THSD7B: variants seen among roughly 807,000 people sequenced by gnomAD.
THSD7B encodes the protein thrombospondin type 1 domain containing 7B, also known as thrombospondin type-1 domain-containing protein 7B.
Under a neutral mutation model 213.6 loss-of-function variants are expected in THSD7B, and 138 were observed. The ratio of observed to expected loss-of-function variants is 0.65; its 90% CI spans 0.56 to 0.74. THSD7B has a LOEUF of 0.74. THSD7B is among the 30% of genes least tolerant of loss of function. The pLI, the probability that THSD7B is intolerant of heterozygous loss-of-function variation, is 0.00. For synonymous variants in THSD7B, 742 were observed against 687.0 expected (o/e 1.08, Z -1.25); for missense variants, 1,931 against 1,991.5 (o/e 0.97, Z 0.58).
At chr2:137,595,803 C>A (rs992085928) in intron 17 of THSD7B, among the ~76,000 whole-genome samples, 1 of 151,586 alleles carries the variant, frequency 6.6e-6, no homozygotes, top group Non-Finnish European at 1.5e-5. Context: ...ATTAATCACA[C>A]AAAACTTTAA....
rs1388397059 is a variant in THSD7B, at chr2:137,488,010, G to A, written c.3138+36987G>A. ...GATCTCCTGACCTCGTGATCCGCCCGCCTCGGCCTCCCAAAGTGCTGGGAT... is the reference window on the plus strand; with the variant it reads ...GATCTCCTGACCTCGTGATCCGCCCACCTCGGCCTCCCAAAGTGCTGGGAT... On this transcript the variant is annotated intron_variant, in intron 15 of 27. Transcript: ENST00000409968. Among the ~76,000 whole-genome samples the A allele has an allele frequency of 1.6e-4, 2 of 12,534 alleles. 1 individual carries two copies. Among genetic ancestry groups the A allele is most frequent in the Non-Finnish European group, 7.0e-4 (2 of 2,850 alleles). 8.2% of individuals were successfully genotyped at this position (12,534 alleles called of 152,430 possible). A position where few individuals can be genotyped will look rare whatever the true frequency, so the allele number is the denominator to read the frequency against.
At chr2:137,455,344 A>T (rs994496422) in intron 15 of THSD7B, among the ~76,000 whole-genome samples, 2 of 152,212 alleles carry the variant, frequency 1.3e-5, no homozygotes, top group Non-Finnish European at 2.9e-5. Flanking sequence ...TAGAGGAAAG[A>T]GATCAGAATC....
chr2:136,952,453 T>TG (rs71400557), intron 2 of THSD7B, among the ~76,000 whole-genome samples: 1 of 144,254 alleles, frequency 6.9e-6, no homozygotes, highest in Admixed American at 7.2e-5. Flanking sequence ...TTTTTTTTTT[T>TG]GTGGGTGTAA....
intron 15 of THSD7B, among the ~76,000 whole-genome samples, chr2:137,494,452 A>C (rs1043337935): frequency 2.6e-5 from 4 of 152,072 alleles, no homozygotes; most frequent in African/African-American, 9.7e-5. Flanking sequence ...AGAAATAAAG[A>C]TGATAGTTAG....
intron 12 of THSD7B, among the ~76,000 whole-genome samples, chr2:137,370,157 T>A (rs1426566043): frequency 6.6e-6 from 1 of 152,168 alleles, no homozygotes; most frequent in African/African-American, 2.4e-5. Context: ...ATCCTGTATG[T>A]CATGTATTTG....
chr2:136,845,863 T>G (rs1004701742), intron 1 of THSD7B, among the ~76,000 whole-genome samples: 1 of 152,222 alleles, frequency 6.6e-6, no homozygotes, highest in African/African-American at 2.4e-5. Context: ...AAACTGAAAT[T>G]AGAAGTTTCC....
intron 12 of THSD7B, among the ~76,000 whole-genome samples, chr2:137,300,902 C>T (rs181208185): frequency 7.9e-5 from 12 of 152,086 alleles, no homozygotes; most frequent in African/African-American, 2.6e-4. Context: ...ACAGAGACAT[C>T]GGGGTCATGT....
intron 2 of THSD7B, among the ~76,000 whole-genome samples, chr2:137,006,973 C>T (rs1331939000): frequency 6.6e-6 from 1 of 152,128 alleles, no homozygotes; most frequent in Non-Finnish European, 1.5e-5. Flanking sequence ...TAAAAGTGTG[C>T]ATTTTACTGA....
At chr2:137,250,038 G>A (rs1682136715) in intron 10 of THSD7B, among the ~76,000 whole-genome samples, 1 of 152,156 alleles carries the variant, frequency 6.6e-6, no homozygotes, top group South Asian at 2.1e-4. Flanking sequence ...CAAAGACCAA[G>A]TTAAAAAACC....
chr2:137,216,811 A>T (rs929301147), intron 7 of THSD7B, among the ~76,000 whole-genome samples: 3 of 152,170 alleles, frequency 2.0e-5, no homozygotes, highest in African/African-American at 4.8e-5. Context: ...AAGCACAGTG[A>T]TACATCATAG....
intron 2 of THSD7B, among the ~76,000 whole-genome samples, chr2:136,926,868 C>T (rs1271934614): frequency 6.6e-6 from 1 of 151,658 alleles, no homozygotes; most frequent in Non-Finnish European, 1.5e-5. Flanking sequence ...AGTCCCTTTC[C>T]CTCAAGTGTT....
At chr2:137,668,847 G>A (rs1486229319) in intron 27 of THSD7B, among the ~76,000 whole-genome samples, 1 of 152,112 alleles carries the variant, frequency 6.6e-6, no homozygotes, top group Non-Finnish European at 1.5e-5. Context: ...AGTAGTTATG[G>A]ATTATCATGA....
intron 2 of THSD7B, among the ~76,000 whole-genome samples, chr2:137,038,487 G>T (rs1230598075): frequency 1.3e-5 from 2 of 152,150 alleles, no homozygotes; most frequent in Admixed American, 1.3e-4. Flanking sequence ...AGGCATCATT[G>T]CTGGGACCTT....
At chr2:137,441,348 C>A (rs1687405877) in intron 14 of THSD7B, among the ~76,000 whole-genome samples, 1 of 152,006 alleles carries the variant, frequency 6.6e-6, no homozygotes, top group Non-Finnish European at 1.5e-5. Flanking sequence ...AGCACCCTAG[C>A]CAAATTTATA....
At chr2:137,454,328 G>A (rs1227386070) in intron 15 of THSD7B, among the ~76,000 whole-genome samples, 1 of 152,016 alleles carries the variant, frequency 6.6e-6, no homozygotes, top group Non-Finnish European at 1.5e-5. Flanking sequence ...GTTTTTGAAT[G>A]GCAAGGGCAA....
intron 17 of THSD7B, among the ~76,000 whole-genome samples, chr2:137,603,677 C>A (rs561336511): frequency 6.6e-6 from 1 of 152,206 alleles, no homozygotes; most frequent in African/African-American, 2.4e-5. Context: ...TTGCTTATTA[C>A]GCTATGTGAC....
At chr2:137,409,763 G>C (rs1430633286) in intron 13 of THSD7B, among the ~76,000 whole-genome samples, 1 of 152,106 alleles carries the variant, frequency 6.6e-6, no homozygotes, top group East Asian at 1.9e-4. Context: ...CATGGGGTGA[G>C]GGTGAGGAAC....
At position 137,311,758 on chromosome 2, in the gene THSD7B, G is replaced by A. The variant is rs569685517; in HGVS notation, c.2500+35732G>A. 3.4e-3 allele frequency among the ~76,000 whole-genome samples: 508 copies of A among 151,386 alleles called. 3 individuals are homozygous for A. Among genetic ancestry groups the A allele is most frequent in the African/African-American group, 0.012 (483 of 41,202 alleles). ...CAAAGGCCTTTTCTGCATCCATTGA[G>A]ATAATCATGTGGTTTTTGTCTTTGG... On this transcript the variant is annotated intron_variant, in intron 12 of 27. Transcript: ENST00000409968.
At chr2:137,533,123 G>A (rs1014445341) in intron 15 of THSD7B, among the ~76,000 whole-genome samples, 2 of 151,480 alleles carry the variant, frequency 1.3e-5, no homozygotes, top group Non-Finnish European at 3.0e-5. Flanking sequence ...TATTAGAGAA[G>A]CCAAAATATA....
Sources: allele counts gnomAD v4.1 joint callset (sites outside exome capture counted in the v4.1 genomes callset), GRCh38; gene constraint gnomAD v4.1.1; transcripts MANE v1.5; gene names NCBI Gene and HGNC (gene_info 2026-07-23, HGNC 2026-07-21).